ARID5B: variants seen among roughly 807,000 people sequenced by gnomAD.
The protein encoded by ARID5B is AT-rich interaction domain 5B.
In ARID5B, 13 loss-of-function variants were observed where a neutral mutation model predicts 97.2. The ratio of observed to expected loss-of-function variants is 0.13; its 90% CI spans 0.09 to 0.21. The LOEUF (loss-of-function observed/expected upper bound fraction) is 0.21, where lower values mean the gene tolerates loss of function less well. Ranked by LOEUF, ARID5B falls within the 10% of genes least tolerant of loss-of-function variation. The pLI is 1.00. For missense variants in ARID5B, 1,210 were observed against 1,465.3 expected, an observed-to-expected ratio of 0.83 and a Z score of 2.84; for synonymous variants, 556 against 570.3, an observed-to-expected ratio of 0.97 and a Z score of 0.36.
Position 62,094,560 on chromosome 10 carries a change from A to C in ARID5B, c.*1530A>C, listed in dbSNP as rs1395579718. On this transcript the variant is annotated 3_prime_UTR_variant, in exon 10 of 10. Coordinates refer to ENST00000279873, the MANE Select transcript of ARID5B (RefSeq NM_032199.3). ...CTTTCTGGTTTCTTTTATTGTGGGA[A>C]GTAAATGGTCAAGCTGCTCAGGCAG... 3 of 231,718 alleles carry C rather than the reference A, an allele frequency of 1.3e-5. No individual in the cohort carries two copies. The highest frequency in any genetic ancestry group is 5.6e-5 in the Admixed American group (1 of 17,728). The allele number at this position is 231,718 out of a possible 1,614,324, so 14.4% of individuals were successfully genotyped here. A position where few individuals can be genotyped will look rare whatever the true frequency, so the allele number is the denominator to read the frequency against.
chr10:62,031,472 A>G, intron 4 of ARID5B, among the ~76,000 whole-genome samples: 1 of 152,092 alleles, frequency 6.6e-6, no homozygotes, highest in East Asian at 1.9e-4. Flanking sequence ...TTCTTTGGTA[A>G]CTCTCTTTGG....
rs760572891 is a variant in ARID5B at position 62,000,245 on chromosome 10, C to T, written c.657C>T (p.Asn219=). Residue 219 remains asparagine (N), a synonymous_variant, in exon 4 of 10, where the codon AAC becomes AAT. Coordinates refer to ENST00000279873, the MANE Select transcript of ARID5B (RefSeq NM_032199.3). This position sits in a 1 kb window ranked among gnomAD's most constrained non-coding sequence, Gnocchi z 4.4. ...GGGGCATTGCAGTGGTCAGCAGGAACCCTCAGATCCTGTACTGTCGGGACA... is the reference window on the plus strand; with the variant it reads ...GGGGCATTGCAGTGGTCAGCAGGAATCCTCAGATCCTGTACTGTCGGGACA... ...ALGGIAVVSR[N]PQILYCRDTF... is the part of the protein sequence containing the mutation. 6.2e-7 allele frequency: 1 copy of T among 1,613,940 alleles called. No homozygotes were observed. The highest frequency in any genetic ancestry group is 1.1e-5 in the South Asian group (1 of 91,074).
At chr10:62,049,271 G>C (rs1017127094) in intron 4 of ARID5B, 1 of 1,421,622 alleles carries the variant, frequency 7.0e-7, no homozygotes, top group African/African-American at 1.4e-5. Flanking sequence ...CCACACACTC[G>C]GTGCTAGTCA....
intron 3 of ARID5B, among the ~76,000 whole-genome samples, chr10:61,974,641 G>T (rs540198608): frequency 6.6e-6 from 1 of 152,042 alleles, no homozygotes; most frequent in Non-Finnish European, 1.5e-5. Flanking sequence ...AATTTGAGAC[G>T]GTCTCATTTA....
At chr10:62,022,574 C>T (rs1036205518) in intron 4 of ARID5B, among the ~76,000 whole-genome samples, 1 of 152,142 alleles carries the variant, frequency 6.6e-6, no homozygotes, top group African/African-American at 2.4e-5. Flanking sequence ...TTCCTTTTTG[C>T]ACAACAAATT....
chr10:61,940,699 A>G (rs1050781979), intron 3 of ARID5B, among the ~76,000 whole-genome samples: 13 of 151,690 alleles, frequency 8.6e-5, no homozygotes, highest in African/African-American at 1.7e-4. Flanking sequence ...AGCACCTAAA[A>G]TTGAATTAAT....
intron 4 of ARID5B, among the ~76,000 whole-genome samples, chr10:62,004,885 G>A (rs996957132): frequency 1.3e-5 from 2 of 152,318 alleles, no homozygotes; most frequent in East Asian, 3.9e-4. Context: ...TTCCATCAAA[G>A]ATATGTAAGG....
chr10:62,090,745 G>A (rs1253495558), intron 9 of ARID5B, 117 bp from the exon 10 acceptor site: 20 of 1,295,460 alleles, frequency 1.5e-5, no homozygotes, highest in East Asian at 2.5e-5. Context: ...GAAACTTCAC[G>A]AGCTGATTGA....
chr10:62,085,832 A>G lies in ARID5B; in HGVS notation c.1330A>G (p.Ile444Val), dbSNP rs141951633. The change falls in exon 9 of 10, where the codon ATC becomes GTC. Residue 444 changes from isoleucine to valine, a missense_variant. Ile to Val is a conservative substitution (Grantham distance 29). This residue lies in a region of ARID5B where 800 missense variants were observed against 839.1 expected (regional missense o/e 0.95). Coordinates refer to ENST00000279873, the MANE Select transcript of ARID5B (RefSeq NM_032199.3). ...AACAAAAGTATCTGGAACCAAACGC[A>G]TCAAACATGAAATACCTAAAAGCAA... ...NKTKVSGTKR[I>V]KHEIPKSKKE... is the part of the protein sequence containing the mutation. The G allele has an allele frequency of 6.9e-4, 1,114 of 1,614,044 alleles. No individual in the cohort carries two copies. Among genetic ancestry groups the G allele is most frequent in the Non-Finnish European group, 8.8e-4 (1,042 of 1,180,028 alleles).
At chr10:62,057,037 C>T in intron 5 of ARID5B, 80 bp from the exon 6 acceptor site, 1 of 1,376,156 alleles carries the variant, frequency 7.3e-7, no homozygotes, top group Non-Finnish European at 1.0e-6. Context: ...AAAAGTGTTG[C>T]TGGCTCTGTC....
intron 3 of ARID5B, among the ~76,000 whole-genome samples, chr10:61,985,633 T>C (rs1407848868): frequency 6.6e-6 from 1 of 152,144 alleles, no homozygotes; most frequent in Non-Finnish European, 1.5e-5. Context: ...GGTTGCATTG[T>C]GAGTGTCCTA....
chr10:61,924,700 G>A (rs1231304419), intron 2 of ARID5B, among the ~76,000 whole-genome samples: 2 of 152,140 alleles, frequency 1.3e-5, no homozygotes, highest in East Asian at 1.9e-4. Context: ...GTCCTAAATA[G>A]GCATAAGGCT....
At chr10:62,080,892 G>A (rs1202424543) in intron 8 of ARID5B, among the ~76,000 whole-genome samples, 2 of 151,530 alleles carry the variant, frequency 1.3e-5, no homozygotes, top group African/African-American at 4.9e-5. Flanking sequence ...GCATGATCTC[G>A]GCTCACTTCA....
chr10:62,052,315 T>C (rs1206567664), intron 5 of ARID5B, among the ~76,000 whole-genome samples: 1 of 152,236 alleles, frequency 6.6e-6, no homozygotes, highest in Non-Finnish European at 1.5e-5. Flanking sequence ...GACTTTGGTT[T>C]CCATCGTCTT....
intron 3 of ARID5B, among the ~76,000 whole-genome samples, chr10:61,940,723 A>C (rs2132796285): frequency 6.6e-6 from 1 of 151,654 alleles, no homozygotes; most frequent in Non-Finnish European, 1.5e-5. Context: ...GAGTTTAAAT[A>C]CTTGCTATAA....
At chr10:62,054,883 A>C (rs1253956544) in intron 5 of ARID5B, among the ~76,000 whole-genome samples, 1 of 152,162 alleles carries the variant, frequency 6.6e-6, no homozygotes, top group East Asian at 1.9e-4. Flanking sequence ...ACCATACATG[A>C]CCTCACTAAG....
chr10:62,061,253 G>A (rs1839918015), intron 7 of ARID5B, among the ~76,000 whole-genome samples: 1 of 152,230 alleles, frequency 6.6e-6, no homozygotes, highest in African/African-American at 2.4e-5. Flanking sequence ...AGAGATGAGA[G>A]AAGGAAGGCT....
chr10:62,038,957 C>T (rs1204018042), intron 4 of ARID5B, among the ~76,000 whole-genome samples: 1 of 152,190 alleles, frequency 6.6e-6, no homozygotes, highest in Non-Finnish European at 1.5e-5. Context: ...CATGCAGCCT[C>T]CGAGTTTCCA....
chr10:61,903,091 G>C (rs1405983269), intron 2 of ARID5B, among the ~76,000 whole-genome samples: 3 of 151,768 alleles, frequency 2.0e-5, no homozygotes, highest in African/African-American at 7.3e-5. Context: ...CCTCCCCCCG[G>C]ACAAGCCATT....
Sources: gnomAD v4.1 joint callset for allele counts (sites outside exome capture counted in the v4.1 genomes callset) on GRCh38, gnomAD v4.1.1 for gene constraint, gnomAD v4.1.1 regional missense constraint, Gnocchi (gnomAD v3.1) non-coding constraint, MANE v1.5 for transcripts, NCBI Gene and HGNC (gene_info 2026-07-23, HGNC 2026-07-21) for gene names.